Variants in CSMD1 observed in about 807,000 individuals in gnomAD.
The protein encoded by CSMD1 is CUB and Sushi multiple domains 1.
A neutral mutation model predicts 417.5 loss-of-function variants in CSMD1; 213 were observed. That is an observed-to-expected ratio of 0.51 (90% CI 0.46 to 0.57). The LOEUF (loss-of-function observed/expected upper bound fraction) is 0.57, where lower values mean the gene tolerates loss of function less well. CSMD1 is among the 20% of genes least tolerant of loss of function. The pLI, the probability that CSMD1 is intolerant of heterozygous loss-of-function variation, is 0.00. For missense variants in CSMD1, 6,923 were observed against 4,529.7 expected (o/e 1.53, Z -15.17); for synonymous variants, 2,862 against 1,736.8 (o/e 1.65, Z -16.11).
chr8:3,885,218 G>T (rs2129123717), intron 5 of CSMD1, among the ~76,000 whole-genome samples: 1 of 151,966 alleles, frequency 6.6e-6, no homozygotes, highest in East Asian at 1.9e-4. Flanking sequence ...ATCCCTTATG[G>T]GAGACTATTT....
At chr8:4,697,134 T>A (rs973150334) in intron 1 of CSMD1, among the ~76,000 whole-genome samples, 2 of 152,096 alleles carry the variant, frequency 1.3e-5, no homozygotes, top group East Asian at 3.9e-4. Flanking sequence ...ATCGCGCCAC[T>A]GCACTACAGC....
intron 3 of CSMD1, among the ~76,000 whole-genome samples, chr8:4,267,182 T>C (rs1389610660): frequency 2.0e-5 from 2 of 100,610 alleles, no homozygotes; most frequent in East Asian, 5.2e-4. Flanking sequence ...TATTCATTAA[T>C]TCCAAAAAAT....
In CSMD1 at chr8:3,982,284, T is replaced by C. The variant is rs548338013; in HGVS notation, c.818+15619A>G. Among the ~76,000 whole-genome samples the C allele has an allele frequency of 7.7e-4, 117 of 151,644 alleles. 1 individual carries two copies. The highest frequency in any genetic ancestry group is 2.5e-3 in the African/African-American group (102 of 41,440). On this transcript the variant is annotated intron_variant, in intron 5 of 69. Transcript: ENST00000635120. ...GCTGGGATTTAAATCCTGGTCTACA[T>C]TCCTGAGTTGTGTGATACAGCATAA...
chr8:4,114,162 A>G (rs888261418), intron 3 of CSMD1, among the ~76,000 whole-genome samples: 2 of 152,178 alleles, frequency 1.3e-5, no homozygotes, highest in African/African-American at 4.8e-5. Context: ...TAAAAACTTC[A>G]AAGGACAGCC....
chr8:4,306,516 C>G (rs1798257814), intron 3 of CSMD1, among the ~76,000 whole-genome samples: 1 of 152,116 alleles, frequency 6.6e-6, no homozygotes, highest in South Asian at 2.1e-4. Flanking sequence ...CCACTGATAT[C>G]CACTGCTCAT....
At chr8:4,766,627 A>C (rs544196672) in intron 1 of CSMD1, among the ~76,000 whole-genome samples, 2 of 152,324 alleles carry the variant, frequency 1.3e-5, no homozygotes, top group Non-Finnish European at 1.5e-5. Flanking sequence ...AAAGCAACAA[A>C]ATCAATTAAT....
chr8:3,033,339 C>A (rs1810468334), intron 50 of CSMD1, among the ~76,000 whole-genome samples: 1 of 152,020 alleles, frequency 6.6e-6, no homozygotes, highest in African/African-American at 2.4e-5. Context: ...TGGTAAGACA[C>A]CAATTGATGC....
chr8:3,257,476 ATAT>A (rs771775573), intron 26 of CSMD1, among the ~76,000 whole-genome samples: 2 of 152,174 alleles, frequency 1.3e-5, no homozygotes, highest in East Asian at 1.9e-4. Context: ...AATAAATGAA[ATAT>A]TATGGATATG....
chr8:4,343,214 C>T (rs547491087), intron 3 of CSMD1, among the ~76,000 whole-genome samples: 3 of 152,042 alleles, frequency 2.0e-5, no homozygotes, highest in Non-Finnish European at 2.9e-5. Context: ...ATAAAAAGCA[C>T]ATATGATAAT....
In CSMD1 at chr8:3,018,515, G is replaced by C. The variant is rs1283613454; in HGVS notation, c.7991C>G (p.Ala2664Gly). The C allele has an allele frequency of 1.2e-6, 2 of 1,613,574 alleles. No individual in the cohort carries two copies. The highest frequency in any genetic ancestry group is 1.7e-6 in the Non-Finnish European group (2 of 1,179,684). Residue 2664 changes from alanine (A) to glycine (G), a missense_variant, in exon 52 of 70, where the codon GCA becomes GGA. By Grantham distance (60) the Ala-to-Gly change is moderately conservative. Transcript: ENST00000635120. ...LVGSHVRECLANGLWSGSETR... is the reference protein window; with the variant it reads ...LVGSHVRECLGNGLWSGSETR... ...TTCGCTGCCGCTCCAGAGCCCATTT[G>C]CCAAGCACTCTCTGACATGAGACCC...
chr8:4,983,118 A>G (rs1810988740), intron 1 of CSMD1, among the ~76,000 whole-genome samples: 3 of 152,246 alleles, frequency 2.0e-5, no homozygotes, highest in African/African-American at 7.2e-5. Context: ...CAGTCAAGAA[A>G]CAGAAACACA....
intron 3 of CSMD1, among the ~76,000 whole-genome samples, chr8:4,339,728 T>C (rs1800368735): frequency 2.0e-5 from 3 of 152,044 alleles, no homozygotes; most frequent in Non-Finnish European, 2.9e-5. Flanking sequence ...GAGGACGGTA[T>C]ACGAAGTAGA....
chr8:4,376,817 C>A (rs908562782), intron 3 of CSMD1, among the ~76,000 whole-genome samples: 1 of 152,210 alleles, frequency 6.6e-6, no homozygotes, highest in Admixed American at 6.5e-5. Flanking sequence ...CTTTCATGTT[C>A]CTCACCCCTG....
intron 1 of CSMD1, among the ~76,000 whole-genome samples, chr8:4,931,344 C>G (rs1477245680): frequency 6.6e-6 from 1 of 152,112 alleles, no homozygotes; most frequent in East Asian, 1.9e-4. Flanking sequence ...CATCCCATCC[C>G]TTTGATATTA....
At chr8:3,801,802 A>G (rs1407759775) in intron 5 of CSMD1, among the ~76,000 whole-genome samples, 3 of 152,208 alleles carry the variant, frequency 2.0e-5, no homozygotes, top group Non-Finnish European at 4.4e-5. Flanking sequence ...TTAAAAATCA[A>G]CAAAGTACTA....
At chr8:3,097,948 A>G (rs1815442063) in intron 46 of CSMD1, among the ~76,000 whole-genome samples, 1 of 152,216 alleles carries the variant, frequency 6.6e-6, no homozygotes. Context: ...GATACATCGT[A>G]TCTTTTCTCC....
intron 2 of CSMD1, among the ~76,000 whole-genome samples, chr8:4,519,693 C>T (rs1235218430): frequency 8.2e-6 from 1 of 121,640 alleles, no homozygotes; most frequent in African/African-American, 3.1e-5. Context: ...CAGTGAGCTG[C>T]GATTGTACTA....
At chr8:3,436,593 G>T (rs1563387330) in intron 12 of CSMD1, among the ~76,000 whole-genome samples, 1 of 151,972 alleles carries the variant, frequency 6.6e-6, no homozygotes, top group Non-Finnish European at 1.5e-5. Flanking sequence ...TCTTACGTAT[G>T]TTTTATTATT....
intron 3 of CSMD1, among the ~76,000 whole-genome samples, chr8:4,231,214 T>A (rs1419023793): frequency 1.3e-5 from 2 of 152,208 alleles, no homozygotes; most frequent in Non-Finnish European, 2.9e-5. Flanking sequence ...TGAAAGGCAT[T>A]GTCTTATCCC....
Sources: allele counts gnomAD v4.1 joint callset (sites outside exome capture counted in the v4.1 genomes callset), GRCh38; gene constraint gnomAD v4.1.1; transcripts MANE v1.5; gene names NCBI Gene and HGNC (gene_info 2026-07-23, HGNC 2026-07-21).